DPP10: variants seen among roughly 807,000 people sequenced by gnomAD.
DPP10 encodes dipeptidyl peptidase like 10, also known as inactive dipeptidyl peptidase 10.
In DPP10, 33 loss-of-function variants were observed where a neutral mutation model predicts 120.9. The ratio of observed to expected loss-of-function variants is 0.27; its 90% CI spans 0.21 to 0.37. DPP10 has a LOEUF of 0.37. DPP10 is among the 10% of genes least tolerant of loss of function. The pLI, the probability that DPP10 is intolerant of heterozygous loss-of-function variation, is 1.00. For synonymous variants in DPP10, 337 were observed against 326.1 expected (o/e 1.03, Z -0.36); for missense variants, 816 against 942.8 (o/e 0.87, Z 1.76).
intron 1 of DPP10, among the ~76,000 whole-genome samples, chr2:115,021,396 C>T (rs1228804039): frequency 6.6e-6 from 1 of 151,992 alleles, no homozygotes; most frequent in Admixed American, 6.6e-5. Flanking sequence ...TGCCTTTAAA[C>T]ACATAAACTG....
intron 7 of DPP10, among the ~76,000 whole-genome samples, chr2:115,713,495 A>G (rs62155274): frequency 0.085 from 12,927 of 152,296 alleles, 684 homozygotes; most frequent in Non-Finnish European, 0.11. Flanking sequence ...GGAATACATG[A>G]CATGAAAGAT....
intron 5 of DPP10, among the ~76,000 whole-genome samples, chr2:115,581,955 A>G (rs535064535): frequency 6.6e-6 from 1 of 152,162 alleles, no homozygotes; most frequent in Non-Finnish European, 1.5e-5. Context: ...CTTTGAGGAA[A>G]GAATTTGGCT....
chr2:115,200,717 C>T (rs1481696920), intron 1 of DPP10, among the ~76,000 whole-genome samples: 10 of 152,158 alleles, frequency 6.6e-5, no homozygotes, highest in Admixed American at 6.5e-4. Context: ...GAATATAGGT[C>T]AGGCTCTGGA....
chr2:115,404,988 C>G (rs973414679), intron 3 of DPP10, among the ~76,000 whole-genome samples: 1 of 152,136 alleles, frequency 6.6e-6, no homozygotes, highest in Non-Finnish European at 1.5e-5. Flanking sequence ...CAAATCACAG[C>G]ATTCTATCCC....
chr2:115,231,267 C>T (rs563923404), intron 1 of DPP10, among the ~76,000 whole-genome samples: 30 of 152,026 alleles, frequency 2.0e-4, no homozygotes, highest in Admixed American at 1.1e-3. Flanking sequence ...GTTTAAAACA[C>T]GAATGTCCAT....
At chr2:115,639,556 C>T (rs1233204420) in intron 5 of DPP10, among the ~76,000 whole-genome samples, 1 of 151,888 alleles carries the variant, frequency 6.6e-6, no homozygotes, top group African/African-American at 2.4e-5. Context: ...ATGCAAAGAA[C>T]CAAAGCGAAG....
intron 1 of DPP10, among the ~76,000 whole-genome samples, chr2:115,017,567 G>A (rs1439587122): frequency 3.3e-5 from 5 of 151,934 alleles, no homozygotes; most frequent in African/African-American, 1.2e-4. Flanking sequence ...TGTTTATTGC[G>A]GCACTATTCA....
chr2:115,725,984 T>A (rs9789617), intron 7 of DPP10, among the ~76,000 whole-genome samples: 146,858 of 152,270 alleles, frequency 0.96, 71,064 homozygotes, highest in Middle Eastern at 1. Context: ...TGTTAGGGAA[T>A]CTGAGAGGTA....
At chr2:114,665,408 A>T (rs1408812194) in intron 1 of DPP10, among the ~76,000 whole-genome samples, 2 of 152,046 alleles carry the variant, frequency 1.3e-5, no homozygotes, top group Non-Finnish European at 2.9e-5. Flanking sequence ...TTTTTCTCTT[A>T]TCATTTTTTT....
At chr2:114,506,716 G>A (rs948680654) in intron 1 of DPP10, among the ~76,000 whole-genome samples, 1 of 152,058 alleles carries the variant, frequency 6.6e-6, no homozygotes, top group Non-Finnish European at 1.5e-5. Flanking sequence ...ACAAAAGGTG[G>A]AACACAACTG....
chr2:114,975,363 T>C (rs933000033), intron 1 of DPP10, among the ~76,000 whole-genome samples: 3 of 152,170 alleles, frequency 2.0e-5, no homozygotes, highest in African/African-American at 7.2e-5. Flanking sequence ...GCAATCACAT[T>C]ATTTTGCAAA....
chr2:115,384,523 GGAAGAA>G (rs1432677750), intron 3 of DPP10, among the ~76,000 whole-genome samples: 1 of 136,208 alleles, frequency 7.3e-6, no homozygotes, highest in Non-Finnish European at 1.5e-5. Context: ...AGGAAGAAGA[GGAAGAA>G]GAAGAAAGAA....
intron 1 of DPP10, among the ~76,000 whole-genome samples, chr2:114,885,005 G>A (rs1028856446): frequency 2.6e-5 from 4 of 152,286 alleles, no homozygotes; most frequent in Non-Finnish European, 4.4e-5. Context: ...TAGTATTGGG[G>A]TTAAGGCCAG....
At chr2:115,725,784 A>T (rs755093237) in intron 7 of DPP10, among the ~76,000 whole-genome samples, 3 of 152,184 alleles carry the variant, frequency 2.0e-5, no homozygotes, top group Non-Finnish European at 4.4e-5. Flanking sequence ...TAGAAGTTTC[A>T]GGTACAGGAA....
chr2:114,922,027 A>C (rs1265892087), intron 1 of DPP10, among the ~76,000 whole-genome samples: 1 of 152,216 alleles, frequency 6.6e-6, no homozygotes, highest in South Asian at 2.1e-4. Flanking sequence ...TATTAGCTGA[A>C]GAGTGTATAT....
intron 1 of DPP10, among the ~76,000 whole-genome samples, chr2:115,126,065 T>C (rs190140407): frequency 2.0e-5 from 3 of 152,318 alleles, no homozygotes; most frequent in East Asian, 3.9e-4. Context: ...TTTGTTCTAG[T>C]CTACACCATC....
intron 19 of DPP10, among the ~76,000 whole-genome samples, chr2:115,805,600 G>T (rs561368124): frequency 1.4e-5 from 2 of 147,754 alleles, no homozygotes; most frequent in African/African-American, 5.1e-5. Flanking sequence ...TTGAGACGCA[G>T]TCTCACTCCT....
chr2:115,027,592 CT>C (rs1197991329), intron 1 of DPP10, among the ~76,000 whole-genome samples: 1 of 151,986 alleles, frequency 6.6e-6, no homozygotes, highest in African/African-American at 2.4e-5. Context: ...CTGTAGCTTT[CT>C]TTTTTTGTGG....
In DPP10 at chr2:115,183,948, C is replaced by T. The variant is rs1305791411; in HGVS notation, c.61-125291C>T. 3.3e-5 allele frequency among the ~76,000 whole-genome samples: 5 copies of T among 152,132 alleles called. No individual in the cohort carries two copies. In the East Asian group the frequency reaches 9.6e-4, roughly 29 times the overall value. Reference sequence around the variant, plus strand: ...GTGTCCATGGAAAGAACGCTAGTTGCAGAGCTCCTGGGGGAGACAGGAGGA... The same window carrying T: ...GTGTCCATGGAAAGAACGCTAGTTGTAGAGCTCCTGGGGGAGACAGGAGGA... On this transcript the variant is annotated intron_variant, in intron 1 of 25. Transcript: ENST00000410059.
Sources: allele counts gnomAD v4.1 joint callset (sites outside exome capture counted in the v4.1 genomes callset), GRCh38; gene constraint gnomAD v4.1.1; transcripts MANE v1.5; gene names NCBI Gene and HGNC (gene_info 2026-07-23, HGNC 2026-07-21).